Variants in DET1 observed in about 807,000 individuals in gnomAD.
The protein encoded by DET1 is DET1 homolog.
In DET1, 22 loss-of-function variants were observed where a neutral mutation model predicts 43.7. The ratio of observed to expected loss-of-function variants is 0.50; its 90% CI spans 0.36 to 0.72. The LOEUF (loss-of-function observed/expected upper bound fraction) is 0.72, where lower values mean the gene tolerates loss of function less well. DET1 is among the 30% of genes least tolerant of loss of function. DET1 has a pLI of 0.00. For synonymous variants in DET1, 315 were observed against 266.2 expected (o/e 1.18, Z -1.79); for missense variants, 713 against 713.3 (o/e 1.00, Z 0.00).
At chr15:88,524,610 A>G (rs1000798300) in intron 3 of DET1, among the ~76,000 whole-genome samples, 4 of 152,256 alleles carry the variant, frequency 2.6e-5, no homozygotes, top group African/African-American at 9.6e-5. Flanking sequence ...TTTGTTCTGT[A>G]CTAAGAAAAA....
rs1030968 is a variant in DET1 at position 88,504,967 on chromosome 15, G to C, written c.*2066-980C>G. 0.69 allele frequency: 105,600 copies of C among 152,100 alleles called. 36,897 individuals are homozygous for C. The highest frequency in any genetic ancestry group is 0.84 in the South Asian group (4,056 of 4,828). The allele number at this position is 152,100 out of a possible 1,614,324, so 9.4% of individuals were successfully genotyped here. A position where few individuals can be genotyped will look rare whatever the true frequency, so the allele number is the denominator to read the frequency against. ...TTTCTTTCTTCATGACAGTCATTTCGCGTGTGCCTTCCCATAGTTGATTAA... is the reference window on the plus strand; with the variant it reads ...TTTCTTTCTTCATGACAGTCATTTCCCGTGTGCCTTCCCATAGTTGATTAA... On this transcript the variant is annotated intron_variant and NMD_transcript_variant, in intron 7 of 8. Coordinates refer to the DET1 transcript ENST00000557842. This position sits in a 1 kb window ranked among gnomAD's most constrained non-coding sequence, Gnocchi z 4.7.
At chr15:88,541,636 C>G (rs1392426284) in intron 1 of DET1, among the ~76,000 whole-genome samples, 1 of 152,164 alleles carries the variant, frequency 6.6e-6, no homozygotes, top group Non-Finnish European at 1.5e-5. Flanking sequence ...TCATTGAATC[C>G]TACAATTGTT....
In DET1 at chr15:88,539,154, G is replaced by GA. The variant is rs891899609; in HGVS notation, c.-11+7385dup. ...AGTTTCTTGGAGAATCTCCAGGAAA[G>GA]AAAAAAAAAACTGTTATAAACTCTG... On this transcript the variant is annotated intron_variant, in intron 1 of 4. Transcript: ENST00000268148. 3.2e-3 allele frequency among the ~76,000 whole-genome samples: 467 copies of GA among 147,024 alleles called. 3 individuals carry two copies. The highest frequency in any genetic ancestry group is 9.3e-3 in the African/African-American group (375 of 40,186).
At chr15:88,509,291 T>C (rs1330848665), downstream of DET1, among the ~76,000 whole-genome samples, 1 of 152,154 alleles carries the variant, frequency 6.6e-6, no homozygotes, top group African/African-American at 2.4e-5. Flanking sequence ...ACTGAGATTA[T>C]AGGTCTGAGC....
At position 88,531,634 on chromosome 15, in the gene DET1, G is replaced by C; in HGVS notation, c.72C>G (p.Arg24=). 1 of 1,613,952 alleles carries C rather than the reference G, an allele frequency of 6.2e-7. No individual in the cohort carries two copies. The highest frequency in any genetic ancestry group is 8.5e-7 in the Non-Finnish European group (1 of 1,179,826). The change falls in exon 2 of 5, where the codon CGC becomes CGG. Residue 24 remains arginine (R), a synonymous_variant. Coordinates refer to ENST00000268148, the MANE Select transcript of DET1 (RefSeq NM_001144074.3). The surrounding 1 kb of genome is among the most constrained non-coding windows in gnomAD (Gnocchi z 6.2). ...QNQNVIHRLE[R]RRISSGKAGT... ...CTGCCTTGCCTGAACTGATCCGCCG[G>C]CGTTCCAAGCGGTGAATGACATTTT...
At chr15:88,525,667 G>GT (rs1385872245) in intron 3 of DET1, among the ~76,000 whole-genome samples, 3 of 151,664 alleles carry the variant, frequency 2.0e-5, no homozygotes, top group Non-Finnish European at 4.4e-5. Context: ...TGTTCTTTTT[G>GT]TTTTTTGTTT....
intron 3 of DET1, among the ~76,000 whole-genome samples, chr15:88,520,940 C>T (rs960883695): frequency 6.6e-6 from 1 of 152,186 alleles, no homozygotes; most frequent in African/African-American, 2.4e-5. Flanking sequence ...ACCCTACCTG[C>T]CTACATTCTA....
At chr15:88,530,401 G>A (rs754334191) in intron 2 of DET1, among the ~76,000 whole-genome samples, 8 of 152,160 alleles carry the variant, frequency 5.3e-5, no homozygotes, top group Non-Finnish European at 7.3e-5. Context: ...GTAATCAGAG[G>A]TGACTATCTT....
intron 7 of DET1, among the ~76,000 whole-genome samples, chr15:88,507,154 C>A (rs189911679): frequency 2.0e-5 from 3 of 152,172 alleles, no homozygotes; most frequent in African/African-American, 7.2e-5. Flanking sequence ...TGGATCCTCA[C>A]CTCTTTTACT....
intron 3 of DET1, among the ~76,000 whole-genome samples, chr15:88,517,184 G>A (rs1598318840): frequency 6.7e-6 from 1 of 149,542 alleles, no homozygotes; most frequent in African/African-American, 2.5e-5. Flanking sequence ...ACTAAAAATG[G>A]AAAACAACAA....
rs559761966 is a variant in DET1 at position 88,526,224 on chromosome 15, G to A, written c.1271+1375C>T. 5.1e-4 allele frequency among the ~76,000 whole-genome samples: 77 copies of A among 152,322 alleles called. 1 individual carries two copies. The South Asian group carries it at 0.016, about 31-fold the overall frequency. On this transcript the variant is annotated intron_variant, in intron 3 of 4. Coordinates refer to ENST00000268148, the MANE Select transcript of DET1 (RefSeq NM_001144074.3). ...TATAAACATGATGCCACTGCATTAA[G>A]AGATATGTTTTTCCCAGTGGCAGTA...
At chr15:88,533,880 A>G (rs1241037231) in intron 1 of DET1, among the ~76,000 whole-genome samples, 2 of 144,832 alleles carry the variant, frequency 1.4e-5, no homozygotes, top group African/African-American at 5.1e-5. Context: ...AAAAAAATTA[A>G]TGTAAAATAC....
intron 3 of DET1, among the ~76,000 whole-genome samples, chr15:88,523,663 G>A (rs2056567565): frequency 6.6e-6 from 1 of 152,238 alleles, no homozygotes; most frequent in African/African-American, 2.4e-5. Flanking sequence ...CTGGTCTCCA[G>A]CTCCTGACCG....
intron 2 of DET1, among the ~76,000 whole-genome samples, chr15:88,528,946 A>G (rs980387991): frequency 6.6e-6 from 1 of 152,170 alleles, no homozygotes; most frequent in African/African-American, 2.4e-5. Flanking sequence ...TTGTGTTTGG[A>G]TGTACTTTTT....
chr15:88,543,868 C>T (rs898641967), intron 1 of DET1, among the ~76,000 whole-genome samples: 24 of 152,170 alleles, frequency 1.6e-4, no homozygotes, highest in Admixed American at 3.9e-4. Context: ...GCACAACCTG[C>T]GCCCAGGTAA....
intron 4 of DET1, 31 bp from the exon 5 acceptor site, chr15:88,513,171 G>C: frequency 1.9e-6 from 3 of 1,572,096 alleles, no homozygotes; most frequent in Non-Finnish European, 2.6e-6. Flanking sequence ...GACAGAGAAA[G>C]AGGGGACAGG....
chr15:88,546,157 C>G (rs577021852), intron 1 of DET1: 13 of 152,734 alleles, frequency 8.5e-5, no homozygotes, highest in African/African-American at 3.1e-4. Context: ...AGCGGTCTCT[C>G]GGTCACCGGC....
Position 88,531,325 on chromosome 15 carries a change from C to G in DET1, c.381G>C (p.Leu127=). ...RGRLFERFFV[L]LHITNVAANG... ...TGGCCGCAACATTGGTAATGTGCAG[C>G]AGGACAAAAAAGCGTTCAAAGAGCC... Residue 127 remains leucine (L), a synonymous_variant, in exon 2 of 5, where the codon CTG becomes CTC. Transcript: ENST00000268148. The surrounding 1 kb of genome is among the most constrained non-coding windows in gnomAD (Gnocchi z 6.2). 1.2e-6 allele frequency: 2 copies of G among 1,613,954 alleles called. No homozygotes were observed. The highest frequency in any genetic ancestry group is 8.5e-7 in the Non-Finnish European group (1 of 1,179,876).
chr15:88,543,391 T>C (rs2057163048), intron 1 of DET1, among the ~76,000 whole-genome samples: 1 of 152,234 alleles, frequency 6.6e-6, no homozygotes, highest in Non-Finnish European at 1.5e-5. Context: ...GGATGTCAGA[T>C]GCTTGCATTT....
Sources: allele counts gnomAD v4.1 joint callset (sites outside exome capture counted in the v4.1 genomes callset), GRCh38; gene constraint gnomAD v4.1.1; non-coding constraint Gnocchi (gnomAD v3.1); transcripts MANE v1.5; gene names NCBI Gene and HGNC (gene_info 2026-07-23, HGNC 2026-07-21).